The following ATP6V1E1 variants were observed in gnomAD, a reference collection of about 807,000 sequenced individuals.
ATP6V1E1 encodes ATPase H+ transporting V1 subunit E1.
A neutral mutation model predicts 35.2 loss-of-function variants in ATP6V1E1; 21 were observed. The ratio of observed to expected loss-of-function variants is 0.60; its 90% CI spans 0.42 to 0.86. ATP6V1E1 has a LOEUF of 0.86. Ranked by LOEUF, ATP6V1E1 falls within the 40% of genes least tolerant of loss-of-function variation. The pLI is 0.00. For missense variants in ATP6V1E1, 183 were observed against 272.6 expected, an observed-to-expected ratio of 0.67 and a Z score of 2.32; for synonymous variants, 83 against 87.8, an observed-to-expected ratio of 0.95 and a Z score of 0.30.
chr22:17,626,252 G>A (rs1473470318), intron 1 of ATP6V1E1, among the ~76,000 whole-genome samples: 1 of 146,230 alleles, frequency 6.8e-6, no homozygotes, highest in African/African-American at 2.5e-5. Context: ...AGCTTGCAGT[G>A]AGCGGAGACC....
rs1408457882 is a variant in ATP6V1E1 at position 17,600,013 on chromosome 22, C to A, written c.435+14G>T. On this transcript the variant is annotated intron_variant, in intron 6 of 8. Coordinates refer to ENST00000253413, the MANE Select transcript of ATP6V1E1 (RefSeq NM_001696.4). ...GGGAGGGAGGGAGGGAAAAAATTAT[C>A]CTAAGTTCTTTACCTTTACCAGAGG... The A allele has an allele frequency of 6.2e-7, 1 of 1,607,476 alleles. No homozygotes were observed. The highest frequency in any genetic ancestry group is 8.5e-7 in the Non-Finnish European group (1 of 1,174,768).
intron 1 of ATP6V1E1, among the ~76,000 whole-genome samples, chr22:17,624,647 C>T (rs1314983676): frequency 6.6e-6 from 1 of 152,130 alleles, no homozygotes; most frequent in Non-Finnish European, 1.5e-5. Context: ...GGCGAATTCC[C>T]ATGTGTACTA....
chr22:17,598,648 G>A (rs2057745571), intron 6 of ATP6V1E1, among the ~76,000 whole-genome samples: 1 of 152,150 alleles, frequency 6.6e-6, no homozygotes, highest in African/African-American at 2.4e-5. Flanking sequence ...AGAGAAGTTT[G>A]GCTGCTGGCA....
At chr22:17,617,436 G>A (rs747340263) in intron 2 of ATP6V1E1, among the ~76,000 whole-genome samples, 25 of 152,014 alleles carry the variant, frequency 1.6e-4, no homozygotes, top group Non-Finnish European at 3.5e-4. Flanking sequence ...TGAGACTGCA[G>A]GCGTGCACCA....
chr22:17,619,390 C>G, intron 2 of ATP6V1E1, 71 bp downstream of exon 2: 2 of 1,347,632 alleles, frequency 1.5e-6, no homozygotes, highest in South Asian at 2.6e-5. Context: ...GTTTTACTAA[C>G]AATATTATTT....
intron 4 of ATP6V1E1, among the ~76,000 whole-genome samples, 170 bp from the exon 5 acceptor site, chr22:17,601,351 C>A (rs1228368553): frequency 6.6e-6 from 1 of 152,132 alleles, no homozygotes; most frequent in African/African-American, 2.4e-5. Context: ...GTGCTGGGTA[C>A]AAGGAAGCAT....
chr22:17,613,333 T>C lies in ATP6V1E1; in HGVS notation c.100-13A>G. 2 of 1,601,992 alleles carry C rather than the reference T, an allele frequency of 1.2e-6. No homozygotes were observed. The highest frequency in any genetic ancestry group is 8.6e-7 in the Non-Finnish European group (1 of 1,169,404). On this transcript the variant is annotated splice_polypyrimidine_tract_variant and intron_variant, in intron 2 of 8. Transcript: ENST00000253413. ...ACTCTTCTTCTGCCTAGAGGGAAAT[T>C]AGTCAATATTAATTCATTACATCAA...
At chr22:17,615,678 T>C (rs939191264) in intron 2 of ATP6V1E1, among the ~76,000 whole-genome samples, 3 of 150,986 alleles carry the variant, frequency 2.0e-5, no homozygotes, top group South Asian at 4.2e-4. Context: ...GGCGGGTGGA[T>C]CATGAGGTCA....
At chr22:17,624,381 C>G (rs368844059) in intron 1 of ATP6V1E1, among the ~76,000 whole-genome samples, 1 of 151,972 alleles carries the variant, frequency 6.6e-6, no homozygotes, top group Non-Finnish European at 1.5e-5. Flanking sequence ...TGGTGAAACC[C>G]CATCTCTACT....
At position 17,617,454 on chromosome 22, in the gene ATP6V1E1, C is replaced by T. The variant is rs77944640; in HGVS notation, c.99+2007G>A. 7.9e-3 allele frequency among the ~76,000 whole-genome samples: 1,204 copies of T among 152,112 alleles called. 14 individuals are homozygous for T. Among genetic ancestry groups the T allele is most frequent in the African/African-American group, 0.026 (1,096 of 41,500 alleles). ...GACTGCAGGCGTGCACCACCACACC[C>T]AACCAATTTTTGTATTTTTTGTAGA... On this transcript the variant is annotated intron_variant, in intron 2 of 8. Coordinates refer to ENST00000253413, the MANE Select transcript of ATP6V1E1 (RefSeq NM_001696.4).
At chr22:17,602,270 A>C (rs1170443051) in intron 4 of ATP6V1E1, among the ~76,000 whole-genome samples, 4 of 152,162 alleles carry the variant, frequency 2.6e-5, no homozygotes, top group Non-Finnish European at 5.9e-5. Context: ...TTCTATAATA[A>C]AAATAACTAA....
intron 4 of ATP6V1E1, among the ~76,000 whole-genome samples, chr22:17,611,297 T>C (rs1452969413): frequency 3.9e-5 from 6 of 152,240 alleles, no homozygotes; most frequent in African/African-American, 1.2e-4. Context: ...CAGGAAACTC[T>C]TGACTCTTTC....
chr22:17,614,354 A>C (rs1166123430), intron 2 of ATP6V1E1, among the ~76,000 whole-genome samples: 1 of 151,874 alleles, frequency 6.6e-6, no homozygotes, highest in Non-Finnish European at 1.5e-5. Flanking sequence ...CCATCTAAAA[A>C]AATAAAAATA....
intron 1 of ATP6V1E1, among the ~76,000 whole-genome samples, chr22:17,625,260 T>A (rs2057898086): frequency 6.6e-6 from 1 of 152,054 alleles, no homozygotes; most frequent in African/African-American, 2.4e-5. Flanking sequence ...AATGGAAACA[T>A]CCAACGAAAA....
intron 1 of ATP6V1E1, among the ~76,000 whole-genome samples, chr22:17,627,983 GTTT>G (rs549292581): frequency 1.6e-4 from 22 of 135,866 alleles, no homozygotes; most frequent in Middle Eastern, 4.1e-3. Flanking sequence ...AGGCTGGTTT[GTTT>G]TTTTTTTTTC....
At chr22:17,621,692 C>A (rs1036448724) in intron 1 of ATP6V1E1, among the ~76,000 whole-genome samples, 1 of 152,162 alleles carries the variant, frequency 6.6e-6, no homozygotes, top group Non-Finnish European at 1.5e-5. Flanking sequence ...TATTTCAGTT[C>A]CTTGAGCTCA....
intron 4 of ATP6V1E1, among the ~76,000 whole-genome samples, chr22:17,603,830 C>G (rs2057772891): frequency 6.6e-6 from 1 of 152,190 alleles, no homozygotes. Context: ...TAGCTCCTCC[C>G]CACCAAAAGA....
chr22:17,627,544 C>T (rs149110454), intron 1 of ATP6V1E1, among the ~76,000 whole-genome samples: 2 of 151,562 alleles, frequency 1.3e-5, no homozygotes, highest in Non-Finnish European at 2.9e-5. Context: ...ACAGGCCTGG[C>T]GCGTTGGCTC....
intron 7 of ATP6V1E1, 42 bp downstream of exon 7, chr22:17,598,139 AAGGCCACTCTCCC>A: frequency 7.2e-7 from 1 of 1,392,860 alleles, no homozygotes; most frequent in Non-Finnish European, 1.0e-6. Flanking sequence ...GCCTGGTATA[AAGGCCACTCTCCC>A]AGGGAGAGAA....
Sources: allele counts gnomAD v4.1 joint callset (sites outside exome capture counted in the v4.1 genomes callset), GRCh38; gene constraint gnomAD v4.1.1; transcripts MANE v1.5; gene names NCBI Gene and HGNC (gene_info 2026-07-23, HGNC 2026-07-21).